L3MBTL3: variants seen among roughly 807,000 people sequenced by gnomAD.
L3MBTL3 encodes the protein L3MBTL histone methyl-lysine binding protein 3.
A neutral mutation model predicts 102.3 loss-of-function variants in L3MBTL3; 27 were observed. The observed-to-expected ratio is 0.26, with a 90% confidence interval of 0.19 to 0.36. L3MBTL3 has a LOEUF of 0.36. Ranked by LOEUF, L3MBTL3 falls within the 10% of genes least tolerant of loss-of-function variation. The probability of loss-of-function intolerance (pLI) is 1.00; values close to 1 mark genes in which losing one functional copy is unlikely to be tolerated. For missense variants in L3MBTL3, 798 were observed against 955.3 expected (o/e 0.84, Z 2.17); for synonymous variants, 340 against 320.9 (o/e 1.06, Z -0.64).
In L3MBTL3 at chr6:130,030,400, C is replaced by T. The variant is rs929975508; in HGVS notation, c.-16+8095C>T. Among the ~76,000 whole-genome samples the T allele has an allele frequency of 5.9e-5, 9 of 151,972 alleles. 2 individuals are homozygous for T. Among genetic ancestry groups the T allele is most frequent in the Admixed American group, 4.6e-4 (7 of 15,286 alleles). Reference sequence around the variant, plus strand: ...AAACCCGGCCGGGTGCGGTGGCTCACGCCTGTAATCCCAGTACTTTGGGAG... The same window carrying T: ...AAACCCGGCCGGGTGCGGTGGCTCATGCCTGTAATCCCAGTACTTTGGGAG... On this transcript the variant is annotated intron_variant, in intron 2 of 22. Transcript: ENST00000361794.
At chr6:130,025,542 G>C (rs1336151051) in intron 2 of L3MBTL3, among the ~76,000 whole-genome samples, 1 of 152,142 alleles carries the variant, frequency 6.6e-6, no homozygotes, top group African/African-American at 2.4e-5. Flanking sequence ...ATTCCCATTT[G>C]GGAGACAAGA....
chr6:130,099,494 A>C (rs1242703904), intron 18 of L3MBTL3, among the ~76,000 whole-genome samples: 1 of 152,338 alleles, frequency 6.6e-6, no homozygotes, highest in African/African-American at 2.4e-5. Context: ...GAAGTTAACA[A>C]TTTTGTATCT....
intron 13 of L3MBTL3, 81 bp from the exon 14 acceptor site, chr6:130,078,477 A>T (rs1783099110): frequency 1.1e-6 from 1 of 931,276 alleles, no homozygotes; most frequent in South Asian, 1.5e-5. Context: ...AGTGCTCATG[A>T]TCTCTAGTTT....
chr6:130,114,038 C>G (rs1009943955), intron 19 of L3MBTL3, among the ~76,000 whole-genome samples: 1 of 152,142 alleles, frequency 6.6e-6, no homozygotes, highest in Admixed American at 6.5e-5. Flanking sequence ...ATTTCAATGA[C>G]TAGGCATTCT....
At chr6:130,031,056 C>T (rs1002499876) in intron 2 of L3MBTL3, among the ~76,000 whole-genome samples, 6 of 151,992 alleles carry the variant, frequency 3.9e-5, no homozygotes, top group Admixed American at 1.3e-4. Context: ...TTAGTGGCTG[C>T]GTATTTCTCT....
At position 130,139,688 on chromosome 6, in the gene L3MBTL3, C is replaced by T; in HGVS notation, c.2278C>T (p.Leu760Phe). ...KIMSIKLGPA[L>F]KIFNSILMFK... ...TATGAGCATTAAACTGGGCCCTGCT[C>T]TCAAAATTTTCAATTCCATCCTGAT... Residue 760 changes from leucine to phenylalanine, a missense_variant, in exon 23 of 23, where the codon CTC becomes TTC. Transcript: ENST00000361794. 6.2e-7 allele frequency: 1 copy of T among 1,612,904 alleles called. No homozygotes were observed. Among genetic ancestry groups the T allele is most frequent in the Non-Finnish European group, 8.5e-7 (1 of 1,179,064 alleles).
chr6:130,134,047 C>T, intron 22 of L3MBTL3, 142 bp downstream of exon 22: 1 of 630,198 alleles, frequency 1.6e-6, no homozygotes, highest in Non-Finnish European at 2.8e-6. Context: ...TACTAACAGG[C>T]AGTATGAATC....
rs1778714219 is a variant in L3MBTL3 at position 130,018,593 on chromosome 6, T to G, written c.-166T>G. The G allele has an allele frequency of 6.5e-6, 1 of 154,118 alleles. No homozygotes were observed. Among genetic ancestry groups the G allele is most frequent in the Admixed American group, 6.5e-5 (1 of 15,290 alleles). The allele number at this position is 154,118 out of a possible 1,614,324, so 9.5% of individuals were successfully genotyped here. A position where few individuals can be genotyped will look rare whatever the true frequency, so the allele number is the denominator to read the frequency against. ...CCTGACTCTACGCGCACATGCGCATTGCGCCCGCAGCCCTGGACCATTTGT... is the reference window on the plus strand; with the variant it reads ...CCTGACTCTACGCGCACATGCGCATGGCGCCCGCAGCCCTGGACCATTTGT... On this transcript the variant is annotated 5_prime_UTR_variant, in exon 1 of 23. It adds an upstream start codon to the 5' untranslated region. Coordinates refer to ENST00000361794, the MANE Select transcript of L3MBTL3 (RefSeq NM_032438.4).
intron 16 of L3MBTL3, 56 bp from the exon 17 acceptor site, chr6:130,092,689 G>T: frequency 9.3e-7 from 1 of 1,074,914 alleles, no homozygotes; most frequent in South Asian, 1.3e-5. Context: ...GCAGAACTTT[G>T]ACTGTAGGAA....
intron 20 of L3MBTL3, among the ~76,000 whole-genome samples, chr6:130,122,758 C>T (rs958948711): frequency 6.7e-6 from 1 of 148,904 alleles, no homozygotes; most frequent in African/African-American, 2.4e-5. Flanking sequence ...AGAGCATGGC[C>T]TTCATTCAGG....
intron 7 of L3MBTL3, among the ~76,000 whole-genome samples, chr6:130,053,339 A>G (rs1170739377): frequency 6.6e-6 from 1 of 152,224 alleles, no homozygotes; most frequent in African/African-American, 2.4e-5. Context: ...CAGATCTCAT[A>G]AAACTATCTG....
At chr6:130,030,381 G>C (rs969589824) in intron 2 of L3MBTL3, among the ~76,000 whole-genome samples, 12 of 151,868 alleles carry the variant, frequency 7.9e-5, no homozygotes, top group Non-Finnish European at 1.6e-4. Context: ...ATTTAAACCC[G>C]GCCGGGTGCG....
chr6:130,049,007 A>G (rs1339797761), intron 3 of L3MBTL3, among the ~76,000 whole-genome samples: 1 of 150,230 alleles, frequency 6.7e-6, no homozygotes, highest in African/African-American at 2.5e-5. Flanking sequence ...ATAGCCTATC[A>G]AGTAAGCTGC....
At chr6:130,047,892 T>C (rs1458374027) in intron 3 of L3MBTL3, among the ~76,000 whole-genome samples, 1 of 152,212 alleles carries the variant, frequency 6.6e-6, no homozygotes, top group Non-Finnish European at 1.5e-5. Flanking sequence ...AACTTTTACC[T>C]CTTCCTACAT....
At chr6:130,030,665 TAAAAAAAAAAAAA>T (rs548921467) in intron 2 of L3MBTL3, among the ~76,000 whole-genome samples, 8,953 of 48,554 alleles carry the variant, frequency 0.18, 530 homozygotes, top group Non-Finnish European at 0.25. Context: ...AGACTCTACC[TAAAAAAAAAAAAA>T]AAAAAAAAAA....
At chr6:130,066,547 T>C (rs1782272914) in intron 11 of L3MBTL3, 59 bp downstream of exon 11, 4 of 1,417,920 alleles carry the variant, frequency 2.8e-6, no homozygotes, top group Non-Finnish European at 3.9e-6. Flanking sequence ...TCTTACATGC[T>C]ACATTAGAAT....
rs774696929 is a variant in L3MBTL3, at chr6:130,086,131, T to G, written c.1408-9T>G. On this transcript the variant is annotated splice_polypyrimidine_tract_variant and intron_variant, in intron 15 of 22. Coordinates refer to ENST00000361794, the MANE Select transcript of L3MBTL3 (RefSeq NM_032438.4). The stretch of plus-strand genomic sequence containing the variant: ...TTATCTCACTCTGTAAAATTTTTTT[T>G]TGTGGCAGAAACCTCCTCATGGATT... The G allele has an allele frequency of 3.8e-6, 6 of 1,592,996 alleles. No homozygotes were observed. The highest frequency in any genetic ancestry group is 5.2e-6 in the Non-Finnish European group (6 of 1,162,220).
At chr6:130,083,772 A>T in intron 15 of L3MBTL3, 67 bp downstream of exon 15, 1 of 785,910 alleles carries the variant, frequency 1.3e-6, no homozygotes. Context: ...GAAGAACAGA[A>T]CAAGATGGTA....
intron 20 of L3MBTL3, among the ~76,000 whole-genome samples, chr6:130,125,388 C>T (rs377669752): frequency 3.3e-5 from 5 of 152,084 alleles, no homozygotes; most frequent in African/African-American, 1.2e-4. Flanking sequence ...GAGTTTATTT[C>T]CCCTTGTGCA....
Sources: gnomAD v4.1 joint callset for allele counts (sites outside exome capture counted in the v4.1 genomes callset) on GRCh38, gnomAD v4.1.1 for gene constraint, MANE v1.5 for transcripts, NCBI Gene and HGNC (gene_info 2026-07-23, HGNC 2026-07-21) for gene names.